MYT1: variants seen among roughly 807,000 people sequenced by gnomAD.
MYT1 encodes the protein myelin transcription factor 1, also known as myelin transcription factor I.
A neutral mutation model predicts 123.0 loss-of-function variants in MYT1; 23 were observed. The ratio of observed to expected loss-of-function variants is 0.19; its 90% CI spans 0.13 to 0.26. The LOEUF is 0.26. Among genes scored for constraint, MYT1 ranks in the 10% least tolerant of loss-of-function variants. MYT1 has a pLI of 1.00. For synonymous variants in MYT1, 518 were observed against 575.3 expected, an observed-to-expected ratio of 0.90 and a Z score of 1.43; for missense variants, 1,125 against 1,472.5, an observed-to-expected ratio of 0.76 and a Z score of 3.86.
At chr20:64,178,196 C>T (rs1481969890) in intron 1 of MYT1, among the ~76,000 whole-genome samples, 1 of 152,244 alleles carries the variant, frequency 6.6e-6, no homozygotes, top group African/African-American at 2.4e-5. Context: ...CTCAAAGCCA[C>T]AGAAACGTTT....
chr20:64,220,596 A>G (rs1406129344), intron 13 of MYT1, among the ~76,000 whole-genome samples: 1 of 152,238 alleles, frequency 6.6e-6, no homozygotes, highest in African/African-American at 2.4e-5. Flanking sequence ...GCTTTTTCCC[A>G]AGGAGGTGTG....
At chr20:64,169,783 G>A (rs1982193170) in intron 1 of MYT1, among the ~76,000 whole-genome samples, 1 of 152,206 alleles carries the variant, frequency 6.6e-6, no homozygotes, top group African/African-American at 2.4e-5. Flanking sequence ...TAGGTCGTAA[G>A]GGGCAGAGAA....
intron 16 of MYT1, among the ~76,000 whole-genome samples, chr20:64,225,501 G>A (rs1479914926): frequency 6.6e-6 from 1 of 152,244 alleles, no homozygotes; most frequent in East Asian, 1.9e-4. Context: ...GTTGGGAGTT[G>A]AGCTGCAACC....
chr20:64,214,820 G>A (rs757225456), intron 10 of MYT1, among the ~76,000 whole-genome samples: 2 of 152,220 alleles, frequency 1.3e-5, no homozygotes, highest in Non-Finnish European at 2.9e-5. Context: ...GGGCCCACCT[G>A]ACCCCGGCCC....
intron 1 of MYT1, among the ~76,000 whole-genome samples, chr20:64,179,977 GCTA>G (rs1982593705): frequency 7.1e-6 from 1 of 140,908 alleles, no homozygotes; most frequent in Non-Finnish European, 1.5e-5. Flanking sequence ...ACACTCACAT[GCTA>G]CACACAGTTA....
chr20:64,170,848 CATAT>C (rs1175817263), intron 1 of MYT1, among the ~76,000 whole-genome samples: 223 of 15,992 alleles, frequency 0.014, 4 homozygotes, highest in Middle Eastern at 0.1. Context: ...ACAAATTGGT[CATAT>C]ATATATATAT....
In MYT1 at chr20:64,203,830, G is replaced by A. The variant is rs987225446; in HGVS notation, c.87-1205G>A. ...TGTCTGGATAGAGACTGGGGATGGC[G>A]TTCTTTTCCCCGGGTCCCAGGTATG... On this transcript the variant is annotated intron_variant, in intron 4 of 22. Coordinates refer to ENST00000328439, the MANE Select transcript of MYT1 (RefSeq NM_004535.3). This position sits in a 1 kb window ranked among gnomAD's most constrained non-coding sequence, Gnocchi z 5.1. Among the ~76,000 whole-genome samples the A allele has an allele frequency of 3.3e-5, 5 of 152,234 alleles. No individual in the cohort carries two copies. Among genetic ancestry groups the A allele is most frequent in the Admixed American group, 6.5e-5 (1 of 15,286 alleles).
intron 8 of MYT1, among the ~76,000 whole-genome samples, chr20:64,211,735 A>G (rs1180878177): frequency 6.6e-6 from 1 of 152,254 alleles, no homozygotes; most frequent in Non-Finnish European, 1.5e-5. Context: ...AGTAATTGTG[A>G]AAATTAAATT....
chr20:64,233,676 G>A (rs1016820227), intron 19 of MYT1, among the ~76,000 whole-genome samples: 4 of 151,388 alleles, frequency 2.6e-5, no homozygotes, highest in Admixed American at 2.0e-4. Context: ...AAATAAATAC[G>A]TAAATTACTT....
At position 64,196,523 on chromosome 20, in the gene MYT1, T is replaced by C. The variant is rs1041802826; in HGVS notation, c.1-2339T>C. Among the ~76,000 whole-genome samples, 2 of 152,238 alleles carry C rather than the reference T, an allele frequency of 1.3e-5. No individual in the cohort carries two copies. The highest frequency in any genetic ancestry group is 4.8e-5 in the African/African-American group (2 of 41,454). Reference sequence around the variant, plus strand: ...ATTTCAAATAGCTCAGAAACCAGTGTCCCAAGTCACCCAGCTCTTACGGGT... The same window carrying C: ...ATTTCAAATAGCTCAGAAACCAGTGCCCCAAGTCACCCAGCTCTTACGGGT... On this transcript the variant is annotated intron_variant, in intron 2 of 22. Transcript: ENST00000328439. The surrounding 1 kb of genome is among the most constrained non-coding windows in gnomAD (Gnocchi z 4.3).
intron 7 of MYT1, among the ~76,000 whole-genome samples, chr20:64,209,482 A>G (rs2145717904): frequency 6.6e-6 from 1 of 152,112 alleles, no homozygotes; most frequent in South Asian, 2.1e-4. Context: ...TTTTTTCCCC[A>G]TGTCTAGTCC....
intron 4 of MYT1, among the ~76,000 whole-genome samples, chr20:64,201,478 G>A (rs1359636813): frequency 6.8e-6 from 1 of 146,966 alleles, no homozygotes; most frequent in Non-Finnish European, 1.5e-5. Context: ...CATGCAATGT[G>A]ATGCTTAGAG....
chr20:64,213,739 G>A lies in MYT1; in HGVS notation c.1631+92G>A. 1 of 991,722 alleles carries A rather than the reference G, an allele frequency of 1.0e-6. No homozygotes were observed. The highest frequency in any genetic ancestry group is 1.6e-6 in the Non-Finnish European group (1 of 639,900). The allele number at this position is 991,722 out of a possible 1,614,324, so 61.4% of individuals were successfully genotyped here. On this transcript the variant is annotated intron_variant, in intron 10 of 22. Coordinates refer to ENST00000328439, the MANE Select transcript of MYT1 (RefSeq NM_004535.3). The surrounding 1 kb of genome is among the most constrained non-coding windows in gnomAD (Gnocchi z 5.6). ...TCCCGCAGGCTGTATGTGCATGTGT[G>A]TGAGTGCATGTGTGTGAGTGTACGT...
intron 18 of MYT1, among the ~76,000 whole-genome samples, chr20:64,228,995 A>G (rs1216912518): frequency 3.3e-5 from 5 of 152,154 alleles, no homozygotes; most frequent in African/African-American, 4.8e-5. Context: ...TTGGCCTGAG[A>G]TTGGGTTGCT....
chr20:64,223,335 T>A lies in MYT1; in HGVS notation c.2504T>A (p.Met835Lys). The change falls in exon 16 of 23, where the codon ATG (methionine) becomes AAG (lysine). Residue 835 changes from methionine (M) to lysine (K), a missense_variant. Physicochemically the swap from Met to Lys is moderately conservative, Grantham distance 95. This residue lies in a region of MYT1 where 47 missense variants were observed against 113.1 expected (regional missense o/e 0.42). Coordinates refer to ENST00000328439, the MANE Select transcript of MYT1 (RefSeq NM_004535.3). The part of the protein sequence containing the change: ...PLADKSLRNL[M>K]AAHSADLKCP... Reference sequence around the variant, plus strand: ...GCTGACAAGAGCCTCAGAAACCTCATGGCTGCCCACTCTGCTGACCTCAAG... The same window carrying A: ...GCTGACAAGAGCCTCAGAAACCTCAAGGCTGCCCACTCTGCTGACCTCAAG... The A allele has an allele frequency of 6.2e-7, 1 of 1,614,154 alleles. No homozygotes were observed. The highest frequency in any genetic ancestry group is 1.1e-5 in the South Asian group (1 of 91,078).
chr20:64,208,223 A>T lies in MYT1; in HGVS notation c.1027A>T (p.Ile343Phe). 1 of 1,614,072 alleles carries T rather than the reference A, an allele frequency of 6.2e-7. No homozygotes were observed. Among genetic ancestry groups the T allele is most frequent in the Non-Finnish European group, 8.5e-7 (1 of 1,180,018 alleles). The change falls in exon 7 of 23, where the codon ATT becomes TTT. Residue 343 changes from isoleucine (I) to phenylalanine (F), a missense_variant. Coordinates refer to ENST00000328439, the MANE Select transcript of MYT1 (RefSeq NM_004535.3). The surrounding 1 kb of genome is among the most constrained non-coding windows in gnomAD (Gnocchi z 5.4). ...CAGTCCCAAGCCTGAGTACTCTGTT[A>T]TTGTGGAGGTCCGCTCGGATGATGA... Reference protein sequence around the residue: ...SPSPKPEYSVIVEVRSDDDKD... With the variant: ...SPSPKPEYSVFVEVRSDDDKD...
In MYT1 at chr20:64,205,742, G is replaced by A; in HGVS notation, c.339G>A (p.Glu113=). The change falls in exon 6 of 23, where the codon GAG becomes GAA. Residue 113 remains glutamate, a synonymous_variant. Coordinates refer to ENST00000328439, the MANE Select transcript of MYT1 (RefSeq NM_004535.3). ...CGGATGAATCGGAAGGAACTCTGGA[G>A]GGGGCCGAGGCTGAGACGTCAGGAC... ...SVSDESEGTL[E]GAEAETSGQD... The A allele has an allele frequency of 6.2e-7, 1 of 1,614,202 alleles. No homozygotes were observed. The highest frequency in any genetic ancestry group is 1.1e-5 in the South Asian group (1 of 91,086).
intron 1 of MYT1, among the ~76,000 whole-genome samples, chr20:64,179,984 A>G (rs1982594204): frequency 6.6e-6 from 1 of 151,684 alleles, no homozygotes; most frequent in South Asian, 2.1e-4. Context: ...CATGCTACAC[A>G]CAGTTACACA....
chr20:64,207,672 G>A lies in MYT1; in HGVS notation c.476G>A (p.Ser159Asn), dbSNP rs982622663. The A allele has an allele frequency of 2.5e-6, 4 of 1,614,102 alleles. No homozygotes were observed. The Admixed American group carries it at 6.7e-5, about 27-fold the overall frequency. The part of the protein sequence containing the change: ...ATASSKGSYS[S>N]YQGIIATSLL... Reference sequence around the variant, plus strand: ...GCCTCCTCCAAGGGCAGCTACAGCAGCTACCAGGGAATCATCGCAACTTCT... The same window carrying A: ...GCCTCCTCCAAGGGCAGCTACAGCAACTACCAGGGAATCATCGCAACTTCT... The change falls in exon 7 of 23, where the codon AGC (serine) becomes AAC (asparagine). Residue 159 changes from serine to asparagine, a missense_variant. Physicochemically the swap from Ser to Asn is conservative, Grantham distance 46. Around this residue, in one of 4 missense-constraint regions of MYT1, gnomAD observed 406 missense variants for 432.2 expected, o/e 0.94. Transcript: ENST00000328439.
Sources: gnomAD v4.1 joint callset for allele counts (sites outside exome capture counted in the v4.1 genomes callset) on GRCh38, gnomAD v4.1.1 for gene constraint, gnomAD v4.1.1 regional missense constraint, Gnocchi (gnomAD v3.1) non-coding constraint, MANE v1.5 for transcripts, NCBI Gene and HGNC (gene_info 2026-07-23, HGNC 2026-07-21) for gene names.